SHISA9: variants seen among roughly 807,000 people sequenced by gnomAD.
SHISA9 encodes the protein protein shisa-9.
A neutral mutation model predicts 38.0 loss-of-function variants in SHISA9; 13 were observed. The ratio of observed to expected loss-of-function variants is 0.34; its 90% confidence interval spans 0.22 to 0.54. SHISA9 has a LOEUF of 0.54. Ranked by LOEUF, SHISA9 falls within the 20% of genes least tolerant of loss-of-function variation. SHISA9 has a pLI of 0.91. For missense variants in SHISA9, 538 were observed against 575.8 expected (o/e 0.93, Z 0.67); for synonymous variants, 275 against 242.0 (o/e 1.14, Z -1.27).
chr16:13,191,497 TG>T (rs1372249584), intron 2 of SHISA9, among the ~76,000 whole-genome samples: 1 of 152,228 alleles, frequency 6.6e-6, no homozygotes, highest in African/African-American at 2.4e-5. Flanking sequence ...TTCAGTGCGT[TG>T]CTAAGCATGA....
intron 2 of SHISA9, among the ~76,000 whole-genome samples, chr16:13,188,596 A>G (rs1478237589): frequency 6.6e-6 from 1 of 151,876 alleles, no homozygotes; most frequent in Admixed American, 6.6e-5. Flanking sequence ...GCATGTCTGT[A>G]GTCCCAGCAA....
the SHISA9 span, among the ~76,000 whole-genome samples, chr16:13,444,301 G>A: frequency 2.0e-5 from 3 of 152,034 alleles, no homozygotes; most frequent in African/African-American, 7.2e-5. Context: ...AGCCCAGAGG[G>A]TGGAAGTTGC....
the SHISA9 span, among the ~76,000 whole-genome samples, chr16:13,376,612 G>T: frequency 6.6e-6 from 1 of 152,148 alleles, no homozygotes; most frequent in African/African-American, 2.4e-5. Flanking sequence ...TTTTATTTTA[G>T]ATTGGTTAAA....
At chr16:13,317,469 T>C in the SHISA9 span, among the ~76,000 whole-genome samples, 1 of 152,184 alleles carries the variant, frequency 6.6e-6, no homozygotes, top group African/African-American at 2.4e-5. Context: ...ATTATTATTA[T>C]ACTTTAAGTT....
At chr16:13,499,089 G>C in the SHISA9 span, among the ~76,000 whole-genome samples, 1 of 152,116 alleles carries the variant, frequency 6.6e-6, no homozygotes, top group African/African-American at 2.4e-5. Flanking sequence ...ACACTTCTGG[G>C]GTACAGTATC....
intron 2 of SHISA9, among the ~76,000 whole-genome samples, chr16:13,112,054 T>C (rs191444634): frequency 1.4e-3 from 210 of 152,286 alleles, no homozygotes; most frequent in African/African-American, 4.7e-3. Context: ...TAAAAATGAC[T>C]CCAAAGGCCT....
intron 2 of SHISA9, among the ~76,000 whole-genome samples, chr16:13,127,364 GGA>G (rs1359173125): frequency 7.5e-6 from 1 of 133,746 alleles, no homozygotes; most frequent in African/African-American, 2.8e-5. Flanking sequence ...AAGGAGGGAA[GGA>G]GAGAGAAAAG....
the SHISA9 span, among the ~76,000 whole-genome samples, chr16:13,412,078 A>G: frequency 6.6e-6 from 1 of 152,122 alleles, no homozygotes; most frequent in Non-Finnish European, 1.5e-5. Context: ...CTCACCCTAA[A>G]CACACACAAG....
rs1488839991 is a variant in SHISA9, at chr16:13,236,494, G to A, written c.*1085G>A. On this transcript the variant is annotated 3_prime_UTR_variant, in exon 5 of 5. Coordinates refer to ENST00000558583, the MANE Select transcript of SHISA9 (RefSeq NM_001145204.3). Reference sequence around the variant, plus strand: ...TCCCTGACATCCCTTTCCCTTCAGCGCGTTGCCGCCGCCGCTGCCAAACTT... The same window carrying A: ...TCCCTGACATCCCTTTCCCTTCAGCACGTTGCCGCCGCCGCTGCCAAACTT... The A allele has an allele frequency of 1.3e-5, 2 of 152,186 alleles. No individual in the cohort carries two copies. Among genetic ancestry groups the A allele is most frequent in the African/African-American group, 2.4e-5 (1 of 41,434 alleles). 9.4% of individuals were successfully genotyped at this position (152,186 alleles called of 1,614,324 possible).
chr16:13,444,624 G>C, the SHISA9 span, among the ~76,000 whole-genome samples: 6 of 152,016 alleles, frequency 3.9e-5, no homozygotes, highest in Non-Finnish European at 7.4e-5. Flanking sequence ...TGTTTGTAGA[G>C]AGCTGCTCAG....
chr16:13,316,127 C>T, the SHISA9 span, among the ~76,000 whole-genome samples: 15 of 152,096 alleles, frequency 9.9e-5, no homozygotes, highest in South Asian at 2.5e-3. Context: ...GGGCATGGAG[C>T]GATGACTCAA....
At chr16:13,290,109 CT>C in the SHISA9 span, among the ~76,000 whole-genome samples, 2 of 152,110 alleles carry the variant, frequency 1.3e-5, no homozygotes, top group African/African-American at 4.8e-5. Context: ...GTGAATAAAT[CT>C]CTTTGATAAC....
intron 2 of SHISA9, among the ~76,000 whole-genome samples, chr16:12,984,822 A>C (rs2141826493): frequency 6.6e-6 from 1 of 152,244 alleles, no homozygotes; most frequent in South Asian, 2.1e-4. Context: ...GGGCTGCTGG[A>C]GCCACCCTAT....
chr16:12,987,319 G>T (rs944761464), intron 2 of SHISA9, among the ~76,000 whole-genome samples: 4 of 152,026 alleles, frequency 2.6e-5, no homozygotes, highest in Non-Finnish European at 1.5e-5. Flanking sequence ...GTGTGAGATG[G>T]TATCCCAAAG....
intron 2 of SHISA9, among the ~76,000 whole-genome samples, chr16:12,963,059 T>C (rs891520781): frequency 6.6e-6 from 1 of 152,222 alleles, no homozygotes; most frequent in African/African-American, 2.4e-5. Flanking sequence ...CAACCTTGGG[T>C]CCACACAATC....
the SHISA9 span, among the ~76,000 whole-genome samples, chr16:13,534,468 G>A: frequency 7.2e-5 from 11 of 152,056 alleles, no homozygotes; most frequent in South Asian, 2.1e-4. Flanking sequence ...CAGGTGATCC[G>A]CCTGCCTTGG....
intron 2 of SHISA9, among the ~76,000 whole-genome samples, chr16:12,952,355 G>C (rs1344284830): frequency 6.6e-6 from 1 of 152,186 alleles, no homozygotes; most frequent in Admixed American, 6.5e-5. Flanking sequence ...AAATGTGGAG[G>C]ATCTCCCAGA....
intron 2 of SHISA9, among the ~76,000 whole-genome samples, chr16:13,005,562 G>T (rs1321061241): frequency 6.6e-6 from 1 of 152,168 alleles, no homozygotes; most frequent in Non-Finnish European, 1.5e-5. Context: ...CTTCTAGAAA[G>T]CAAGCTTCTC....
At chr16:13,000,305 AG>A (rs1214417551) in intron 2 of SHISA9, among the ~76,000 whole-genome samples, 1 of 152,146 alleles carries the variant, frequency 6.6e-6, no homozygotes, top group Non-Finnish European at 1.5e-5. Flanking sequence ...TGATTTATTA[AG>A]GGAGCTGCCC....
Sources: allele counts gnomAD v4.1 joint callset (sites outside exome capture counted in the v4.1 genomes callset), GRCh38; gene constraint gnomAD v4.1.1; transcripts MANE v1.5; gene names NCBI Gene and HGNC (gene_info 2026-07-23, HGNC 2026-07-21).